RRM2: variants seen among roughly 807,000 people sequenced by gnomAD.
The protein encoded by RRM2 is ribonucleoside-diphosphate reductase subunit M2.
Under a neutral mutation model 45.9 loss-of-function variants are expected in RRM2, and 6 were observed. The ratio of observed to expected loss-of-function variants is 0.13; its 90% CI spans 0.07 to 0.26. The LOEUF (loss-of-function observed/expected upper bound fraction) is 0.26, where lower values mean the gene tolerates loss of function less well. Ranked by LOEUF, RRM2 falls within the 10% of genes least tolerant of loss-of-function variation. The probability of loss-of-function intolerance (pLI) is 1.00; values close to 1 mark genes in which losing one functional copy is unlikely to be tolerated. For synonymous variants in RRM2, 177 were observed against 173.0 expected (o/e 1.02, Z -0.18); for missense variants, 343 against 489.5 (o/e 0.70, Z 2.82).
rs1188222759 is a variant in RRM2 at position 10,169,745 on chromosome 2, G to A, written n.482+27370G>A. ...CTCTGAGTTTGGAGAGCTGGCCTCC[G>A]CACTGGGCTTCCTGAGGACGGGAGC... is the stretch of plus-strand genomic sequence containing the variant. On this transcript the variant is annotated intron_variant and non_coding_transcript_variant, in intron 3 of 3. Coordinates refer to the RRM2 transcript ENST00000381786. This position sits in a 1 kb window ranked among gnomAD's most constrained non-coding sequence, Gnocchi z 5.1. 1.3e-5 allele frequency among the ~76,000 whole-genome samples: 2 copies of A among 152,170 alleles called. No individual in the cohort carries two copies. The highest frequency in any genetic ancestry group is 1.9e-4 in the East Asian group (1 of 5,200).
At chr2:10,183,809 GC>G (rs1664107892) in intron 3 of RRM2, among the ~76,000 whole-genome samples, 1 of 148,534 alleles carries the variant, frequency 6.7e-6, no homozygotes, top group Non-Finnish European at 1.5e-5. Flanking sequence ...AAAAAAAAAG[GC>G]CAGGTGCGGT....
chr2:10,209,911 C>A (rs1014306770), intron 3 of RRM2, among the ~76,000 whole-genome samples: 8 of 152,220 alleles, frequency 5.3e-5, no homozygotes, highest in African/African-American at 1.9e-4. Context: ...TCCAGGGGCA[C>A]AGCTGAAATC....
chr2:10,199,800 A>AAAAAACC lies in RRM2; in HGVS notation n.483-10506_483-10505insCCAAAAA, dbSNP rs1553329432. Among the ~76,000 whole-genome samples, 5 of 97,884 alleles carry AAAAAACC rather than the reference A, an allele frequency of 5.1e-5. No homozygotes were observed. The East Asian group carries it at 1.6e-3, about 31-fold the overall frequency. The allele number at this position is 97,884 out of a possible 152,430, so 64.2% of individuals were successfully genotyped here. On this transcript the variant is annotated intron_variant and non_coding_transcript_variant, in intron 3 of 3. Coordinates refer to the RRM2 transcript ENST00000381786. Reference sequence around the variant, plus strand: ...GTCTCAAAAAAAAAAAAAAAAAAAAAAAAAAAAAACAAATCATGGTATGAC... The same window carrying AAAAAACC: ...GTCTCAAAAAAAAAAAAAAAAAAAAAAAAAACCAAAAAAAAACAAATCATGGTATGAC...
At chr2:10,128,685 AGAAGTCAGTAGTT>A (rs1184450421) in intron 7 of RRM2, among the ~76,000 whole-genome samples, 150 bp from the exon 8 acceptor site, 1 of 152,220 alleles carries the variant, frequency 6.6e-6, no homozygotes, top group Non-Finnish European at 1.5e-5. Flanking sequence ...ACATCAGCAG[AGAAGTCAGTAGTT>A]GAAGTCATCT....
intron 3 of RRM2, among the ~76,000 whole-genome samples, chr2:10,152,502 T>A (rs996922232): frequency 1.3e-5 from 2 of 151,724 alleles, no homozygotes; most frequent in African/African-American, 4.8e-5. Flanking sequence ...AATTTTTTAT[T>A]TTTTGAGTCT....
At chr2:10,188,724 G>A (rs1053979376) in intron 3 of RRM2, among the ~76,000 whole-genome samples, 3 of 152,034 alleles carry the variant, frequency 2.0e-5, no homozygotes, top group African/African-American at 4.8e-5. Context: ...GGCATGGGGG[G>A]CATTTGTGGG....
At chr2:10,167,411 C>T (rs1489379581) in intron 3 of RRM2, among the ~76,000 whole-genome samples, 11 of 152,176 alleles carry the variant, frequency 7.2e-5, no homozygotes, top group Non-Finnish European at 1.6e-4. Context: ...ACTCGCCTCT[C>T]GCCCTGCCTG....
At chr2:10,164,306 C>A (rs913318950) in intron 3 of RRM2, among the ~76,000 whole-genome samples, 41 of 152,312 alleles carry the variant, frequency 2.7e-4, no homozygotes, top group Middle Eastern at 3.4e-3. Context: ...CACTTTGTTC[C>A]TGTTTTCTTA....
downstream of RRM2, among the ~76,000 whole-genome samples, chr2:10,132,307 T>C (rs1662917097): frequency 6.6e-6 from 1 of 152,172 alleles, no homozygotes; most frequent in Non-Finnish European, 1.5e-5. Context: ...GGTTTACTCC[T>C]AGAGAGGAAA....
chr2:10,198,228 T>C (rs1173461893), intron 3 of RRM2, among the ~76,000 whole-genome samples: 1 of 152,144 alleles, frequency 6.6e-6, no homozygotes, highest in Admixed American at 6.5e-5. Flanking sequence ...TGGTCCAGGA[T>C]AGGGCAGTCC....
chr2:10,141,477 G>A (rs762516883), exon 1 of RRM2: 2 of 266,494 alleles, frequency 7.5e-6, no homozygotes, highest in Non-Finnish European at 1.5e-5. Flanking sequence ...TCGTGGGTGT[G>A]CATCTTCTGC....
At chr2:10,189,608 CCAGCA>C (rs1664243174) in intron 3 of RRM2, among the ~76,000 whole-genome samples, 1 of 152,216 alleles carries the variant, frequency 6.6e-6, no homozygotes, top group Admixed American at 6.5e-5. Context: ...GTTAGAGTCC[CCAGCA>C]CAGCCCCATC....
rs371555579 is a variant in RRM2 at position 10,156,435 on chromosome 2, G to A, written n.482+14060G>A. Among the ~76,000 whole-genome samples, 3 of 152,316 alleles carry A rather than the reference G, an allele frequency of 2.0e-5. No individual in the cohort carries two copies. In the East Asian group the frequency reaches 5.8e-4, roughly 29 times the overall value. On this transcript the variant is annotated intron_variant and non_coding_transcript_variant, in intron 3 of 3. Coordinates refer to the RRM2 transcript ENST00000381786. ...CACTCACTGAATGCTGTGAGCAGGG[G>A]AAGGGGCAGTCCTGGGCAGTGGGGT... is the stretch of plus-strand genomic sequence containing the variant.
chr2:10,142,212 A>G, intron 2 of RRM2: 1 of 1,551,668 alleles, frequency 6.4e-7, no homozygotes, highest in Non-Finnish European at 8.8e-7. Context: ...GTGTACATGC[A>G]GGTCTGCAGA....
chr2:10,170,803 G>GC (rs1265285161), intron 3 of RRM2, among the ~76,000 whole-genome samples: 1 of 151,992 alleles, frequency 6.6e-6, no homozygotes, highest in South Asian at 2.1e-4. Flanking sequence ...GCACCCCCAC[G>GC]CCCCCGCCCC....
At chr2:10,124,571 A>T (rs1369216080) in intron 4 of RRM2, 146 bp from the exon 5 acceptor site, 1 of 864,556 alleles carries the variant, frequency 1.2e-6, no homozygotes, top group Admixed American at 2.8e-5. Flanking sequence ...ATGACATAAA[A>T]TATCAAAGAA....
At chr2:10,142,240 G>A (rs377609961) in intron 2 of RRM2, 25 of 1,505,536 alleles carry the variant, frequency 1.7e-5, no homozygotes, top group Non-Finnish European at 2.3e-5. Context: ...AAAGAGTCTG[G>A]ATTTCATTTC....
At chr2:10,152,743 A>G (rs1558389792) in intron 3 of RRM2, among the ~76,000 whole-genome samples, 1 of 151,924 alleles carries the variant, frequency 6.6e-6, no homozygotes, top group African/African-American at 2.4e-5. Flanking sequence ...TCGGCCTCCC[A>G]AAGTGCTGGG....
At chr2:10,140,116 G>T (rs954945099), upstream of RRM2, among the ~76,000 whole-genome samples, 1 of 151,912 alleles carries the variant, frequency 6.6e-6, no homozygotes, top group African/African-American at 2.4e-5. Context: ...GCGTGGTGGC[G>T]GGCACCTGTA....
Sources: allele counts gnomAD v4.1 joint callset (sites outside exome capture counted in the v4.1 genomes callset), GRCh38; gene constraint gnomAD v4.1.1; non-coding constraint Gnocchi (gnomAD v3.1); transcripts MANE v1.5; gene names NCBI Gene and HGNC (gene_info 2026-07-23, HGNC 2026-07-21).